The following FBXL17 variants were observed in gnomAD, a reference collection of about 807,000 sequenced individuals.
The protein encoded by FBXL17 is F-box/LRR-repeat protein 17.
FBXL17 carries 22 observed loss-of-function variants against 66.2 expected under a neutral mutation model. The ratio of observed to expected loss-of-function variants is 0.33; its 90% confidence interval spans 0.24 to 0.47. The LOEUF is 0.47. Among genes scored for constraint, FBXL17 ranks in the 20% least tolerant of loss-of-function variants. The pLI, the probability that FBXL17 is intolerant of heterozygous loss-of-function variation, is 1.00. For synonymous variants in FBXL17, 474 were observed against 400.5 expected (o/e 1.18, Z -2.19); for missense variants, 878 against 948.2 (o/e 0.93, Z 0.97).
chr5:108,345,538 T>C (rs1448513132), intron 4 of FBXL17, among the ~76,000 whole-genome samples: 2 of 150,328 alleles, frequency 1.3e-5, no homozygotes, highest in Non-Finnish European at 3.0e-5. Context: ...ACTATCTTAC[T>C]ACTTTGTGTA....
At chr5:108,315,696 C>G (rs1759331406) in intron 4 of FBXL17, among the ~76,000 whole-genome samples, 1 of 151,328 alleles carries the variant, frequency 6.6e-6, no homozygotes, top group Non-Finnish European at 1.5e-5. Context: ...ACCATAGTCT[C>G]TCATAAAAAC....
chr5:108,175,198 G>A (rs945184523), intron 6 of FBXL17, among the ~76,000 whole-genome samples: 8 of 152,106 alleles, frequency 5.3e-5, no homozygotes, highest in South Asian at 2.1e-4. Context: ...GAGCAGGGCC[G>A]TGTGTGAGGT....
intron 6 of FBXL17, among the ~76,000 whole-genome samples, chr5:108,085,310 G>C (rs1748925744): frequency 6.6e-6 from 1 of 152,154 alleles, no homozygotes; most frequent in African/African-American, 2.4e-5. Flanking sequence ...AAGGTAAACT[G>C]ATTATTATCT....
intron 5 of FBXL17, among the ~76,000 whole-genome samples, chr5:108,211,277 C>T (rs1486708588): frequency 3.3e-5 from 5 of 152,156 alleles, no homozygotes; most frequent in Non-Finnish European, 5.9e-5. Context: ...GACTCTTTAT[C>T]CAATTTGCCA....
chr5:108,339,541 T>C lies in FBXL17; in HGVS notation c.1506+8858A>G, dbSNP rs139577114. Among the ~76,000 whole-genome samples the C allele has an allele frequency of 3.3e-5, 5 of 150,178 alleles. No individual in the cohort carries two copies. In the East Asian group the frequency reaches 7.8e-4, roughly 24 times the overall value. ...GCTTCAAATATCTGATTTTAACAGG[T>C]AGTCAAAAAAGAAAGCAAATAAAAA... is the stretch of plus-strand genomic sequence containing the variant. On this transcript the variant is annotated intron_variant, in intron 4 of 8. Transcript: ENST00000542267.
At chr5:108,123,658 C>G (rs1239489283) in intron 6 of FBXL17, among the ~76,000 whole-genome samples, 2 of 152,020 alleles carry the variant, frequency 1.3e-5, no homozygotes, top group Admixed American at 1.3e-4. Flanking sequence ...TTCAGCATAC[C>G]TCAAACTGTC....
chr5:108,005,165 T>C (rs1034960328), intron 7 of FBXL17, among the ~76,000 whole-genome samples: 1 of 151,450 alleles, frequency 6.6e-6, no homozygotes, highest in Non-Finnish European at 1.5e-5. Context: ...AGATTCTGGG[T>C]GATTTTGCTG....
intron 4 of FBXL17, among the ~76,000 whole-genome samples, chr5:108,313,007 T>C (rs1759195101): frequency 1.3e-5 from 2 of 152,100 alleles, no homozygotes; most frequent in South Asian, 4.1e-4. Flanking sequence ...TAAAGGGAAA[T>C]AATTTCACAA....
chr5:108,306,261 CAAT>C (rs1360902217), intron 4 of FBXL17, among the ~76,000 whole-genome samples: 1 of 151,978 alleles, frequency 6.6e-6, no homozygotes, highest in South Asian at 2.1e-4. Flanking sequence ...AAGACTTAAT[CAAT>C]GATGCTGTGA....
intron 4 of FBXL17, among the ~76,000 whole-genome samples, chr5:108,271,070 A>C (rs1015220014): frequency 6.9e-6 from 1 of 143,974 alleles, no homozygotes; most frequent in South Asian, 2.3e-4. Context: ...CAAATGATTT[A>C]GTAAATAAAG....
Position 108,156,481 on chromosome 5 carries a change from C to T in FBXL17, c.1745+29636G>A, listed in dbSNP as rs1420782072. 9.9e-5 allele frequency among the ~76,000 whole-genome samples: 15 copies of T among 151,656 alleles called. No homozygotes were observed. The East Asian group carries it at 2.3e-3, about 23-fold the overall frequency. On this transcript the variant is annotated intron_variant, in intron 6 of 8. Coordinates refer to ENST00000542267, the MANE Select transcript of FBXL17 (RefSeq NM_001163315.3). ...TTTATATATCTTAGACATATTAAAC[C>T]GAAGTATTTTTTTTAAGTCATCATT...
At chr5:108,014,605 A>G (rs1034722131) in intron 7 of FBXL17, among the ~76,000 whole-genome samples, 2 of 152,204 alleles carry the variant, frequency 1.3e-5, no homozygotes, top group African/African-American at 4.8e-5. Flanking sequence ...ACTTAGCTGC[A>G]GTCTTGGGAT....
intron 8 of FBXL17, among the ~76,000 whole-genome samples, chr5:107,873,348 C>A (rs1280081249): frequency 6.6e-6 from 1 of 152,176 alleles, no homozygotes; most frequent in Non-Finnish European, 1.5e-5. Context: ...ACTGTTTTTT[C>A]TGACCTATCA....
At chr5:107,959,478 C>T (rs183359179) in intron 7 of FBXL17, among the ~76,000 whole-genome samples, 3 of 151,748 alleles carry the variant, frequency 2.0e-5, no homozygotes, top group Non-Finnish European at 4.4e-5. Flanking sequence ...TTGTGCCCCA[C>T]CTGCCTTCGC....
chr5:107,968,767 C>G (rs532699560), intron 7 of FBXL17, among the ~76,000 whole-genome samples: 2 of 152,194 alleles, frequency 1.3e-5, no homozygotes, highest in East Asian at 3.9e-4. Context: ...TATAGGAAAG[C>G]CTTATGAACC....
intron 6 of FBXL17, among the ~76,000 whole-genome samples, chr5:108,022,387 G>A (rs1200152413): frequency 1.3e-5 from 2 of 151,704 alleles, no homozygotes; most frequent in African/African-American, 2.4e-5. Context: ...AAACAGAAAC[G>A]AAACATTACC....
chr5:108,045,235 T>C (rs1207228502), intron 6 of FBXL17, among the ~76,000 whole-genome samples: 2 of 151,722 alleles, frequency 1.3e-5, no homozygotes, highest in African/African-American at 2.4e-5. Flanking sequence ...AGGTCAGGAG[T>C]TCGAAACCAG....
chr5:108,206,168 A>T (rs767657105), intron 5 of FBXL17, among the ~76,000 whole-genome samples: 1 of 152,148 alleles, frequency 6.6e-6, no homozygotes, highest in African/African-American at 2.4e-5. Context: ...TAATTTTCTA[A>T]TTCTATCATT....
At chr5:108,156,292 A>G (rs1223208224) in intron 6 of FBXL17, among the ~76,000 whole-genome samples, 1 of 149,202 alleles carries the variant, frequency 6.7e-6, no homozygotes, top group Non-Finnish European at 1.5e-5. Flanking sequence ...TTCAGTATAC[A>G]TATATATATA....
Sources: allele counts gnomAD v4.1 joint callset (sites outside exome capture counted in the v4.1 genomes callset), GRCh38; gene constraint gnomAD v4.1.1; transcripts MANE v1.5; gene names NCBI Gene and HGNC (gene_info 2026-07-23, HGNC 2026-07-21).